The following HNRNPF variants were observed in gnomAD, a reference collection of about 807,000 sequenced individuals.
The protein encoded by HNRNPF is HnRNP F protein.
In HNRNPF, 2 loss-of-function variants were observed where a neutral mutation model predicts 26.0. The ratio of observed to expected loss-of-function variants is 0.08; its 90% CI spans 0.03 to 0.24. HNRNPF has a LOEUF of 0.24. Ranked by LOEUF, HNRNPF falls within the 10% of genes least tolerant of loss-of-function variation. The pLI is 1.00. For synonymous variants in HNRNPF, 234 were observed against 211.5 expected, an observed-to-expected ratio of 1.11 and a Z score of -0.92; for missense variants, 299 against 539.2, an observed-to-expected ratio of 0.55 and a Z score of 4.41.
Position 43,387,204 on chromosome 10 carries a change from G to A in HNRNPF, c.681C>T (p.Gly227=). The part of the protein sequence containing the change: ...RRYIGIVKQA[G]LERMRPGAYS... ...AGGCACCAGGCCTCATCCTTTCCAG[G>A]CCTGCCTGCTTCACGATGCCAATGT... Residue 227 remains glycine (G), a synonymous_variant, in exon 4 of 4, where the codon GGC becomes GGT. Coordinates refer to ENST00000682386, the MANE Select transcript of HNRNPF (RefSeq NM_001098204.2). This position sits in a 1 kb window ranked among gnomAD's most constrained non-coding sequence, Gnocchi z 6.0. The A allele has an allele frequency of 6.2e-7, 1 of 1,614,140 alleles. No homozygotes were observed. Among genetic ancestry groups the A allele is most frequent in the Non-Finnish European group, 8.5e-7 (1 of 1,180,024 alleles).
At chr10:43,403,605 C>T (rs1838820224) in intron 1 of HNRNPF, among the ~76,000 whole-genome samples, 1 of 152,168 alleles carries the variant, frequency 6.6e-6, no homozygotes, top group Non-Finnish European at 1.5e-5. Flanking sequence ...TCATTTCAAA[C>T]TCAATCACTG....
chr10:43,408,301 TCTC>T (rs1167852238), intron 1 of HNRNPF, among the ~76,000 whole-genome samples: 1 of 151,996 alleles, frequency 6.6e-6, no homozygotes. Flanking sequence ...GACTCCAAAA[TCTC>T]AGCCCGCGGT....
At chr10:43,389,230 C>T (rs1032648081) in intron 3 of HNRNPF, among the ~76,000 whole-genome samples, 13 of 152,012 alleles carry the variant, frequency 8.6e-5, no homozygotes, top group African/African-American at 3.1e-4. Context: ...CCTCAGCTGC[C>T]CAAAGTGCTG....
At chr10:43,406,827 A>T (rs1838934120) in intron 1 of HNRNPF, among the ~76,000 whole-genome samples, 1 of 152,124 alleles carries the variant, frequency 6.6e-6, no homozygotes, top group Non-Finnish European at 1.5e-5. Context: ...ACTCTAATCT[A>T]CAGAATGCAC....
At chr10:43,402,043 G>A (rs1438145533) in intron 1 of HNRNPF, among the ~76,000 whole-genome samples, 2 of 151,672 alleles carry the variant, frequency 1.3e-5, no homozygotes, top group East Asian at 1.9e-4. Flanking sequence ...AGGTTTCAGG[G>A]AACAAGAAGT....
chr10:43,399,302 G>A (rs914809216), intron 1 of HNRNPF, among the ~76,000 whole-genome samples: 1 of 151,982 alleles, frequency 6.6e-6, no homozygotes, highest in Non-Finnish European at 1.5e-5. Flanking sequence ...TGCCCAGACT[G>A]GTCTGTAACT....
In HNRNPF at chr10:43,398,704, G is replaced by A. The variant is rs550694203; in HGVS notation, c.-246-2114C>T. ...AGGGTCTGGCTCAGCTGCCCAGGCT[G>A]GAATGCAGTGGCACGATCATGGCAA... On this transcript the variant is annotated intron_variant, in intron 1 of 3. Coordinates refer to ENST00000682386, the MANE Select transcript of HNRNPF (RefSeq NM_001098204.2). Among the ~76,000 whole-genome samples the A allele has an allele frequency of 7.2e-5, 11 of 152,126 alleles. No homozygotes were observed. The South Asian group carries it at 1.9e-3, about 26-fold the overall frequency.
At chr10:43,396,026 G>A (rs1453118874) in intron 2 of HNRNPF, among the ~76,000 whole-genome samples, 1 of 151,506 alleles carries the variant, frequency 6.6e-6, no homozygotes, top group East Asian at 1.9e-4. Flanking sequence ...TTGCACGGGG[G>A]CCACCTAGAT....
Position 43,385,841 on chromosome 10 carries a change from C to T in HNRNPF, c.*796G>A, listed in dbSNP as rs925456870. 1 of 152,460 alleles carries T rather than the reference C, an allele frequency of 6.6e-6. No individual in the cohort carries two copies. Among genetic ancestry groups the T allele is most frequent in the African/African-American group, 2.4e-5 (1 of 41,418 alleles). The allele number at this position is 152,460 out of a possible 1,614,324, so 9.4% of individuals were successfully genotyped here. The stretch of plus-strand genomic sequence containing the variant: ...AATGTGTGCTGCTAGTCACCATTTC[C>T]ACCATTCACATATTTAACATTTTTA... On this transcript the variant is annotated 3_prime_UTR_variant, in exon 4 of 4. Transcript: ENST00000682386.
At chr10:43,396,110 G>A (rs1337790467) in intron 2 of HNRNPF, among the ~76,000 whole-genome samples, 2 of 152,208 alleles carry the variant, frequency 1.3e-5, no homozygotes, top group African/African-American at 2.4e-5. Context: ...GCTCCCGAAC[G>A]AGCTCTTCGC....
chr10:43,394,591 T>C (rs1329401788), intron 3 of HNRNPF, 39 bp downstream of exon 3: 1 of 152,136 alleles, frequency 6.6e-6, no homozygotes, highest in African/African-American at 2.4e-5. Context: ...CAAATATAAA[T>C]ACTGCAGCTG....
At chr10:43,407,269 G>A (rs1207856375) in intron 1 of HNRNPF, among the ~76,000 whole-genome samples, 1 of 151,454 alleles carries the variant, frequency 6.6e-6, no homozygotes, top group African/African-American at 2.4e-5. Context: ...AGCCGCCAGC[G>A]CGCGCCTCGC....
intron 1 of HNRNPF, among the ~76,000 whole-genome samples, chr10:43,398,635 C>T (rs999504868): frequency 6.6e-6 from 1 of 151,996 alleles, no homozygotes; most frequent in Non-Finnish European, 1.5e-5. Flanking sequence ...CCACCGCGCC[C>T]GGCCTGTTTT....
At position 43,386,343 on chromosome 10, in the gene HNRNPF, TAA is replaced by T. The variant is rs1838021548; in HGVS notation, c.*292_*293del. The T allele has an allele frequency of 3.6e-6, 1 of 280,510 alleles. No individual in the cohort carries two copies. Among genetic ancestry groups the T allele is most frequent in the African/African-American group, 2.2e-5 (1 of 45,318 alleles). 17.4% of individuals were successfully genotyped at this position (280,510 alleles called of 1,614,324 possible). ...CCAGTGTGTTCACTGTGATGTGGTG[TAA>T]AAGATCCACATTTAACATACTTAAA... On this transcript the variant is annotated 3_prime_UTR_variant, in exon 4 of 4. Coordinates refer to ENST00000682386, the MANE Select transcript of HNRNPF (RefSeq NM_001098204.2).
intron 1 of HNRNPF, among the ~76,000 whole-genome samples, chr10:43,405,429 G>A (rs552333980): frequency 1.7e-4 from 26 of 152,232 alleles, no homozygotes; most frequent in African/African-American, 5.5e-4. Flanking sequence ...GGCCGAGGCC[G>A]GCGGATCACG....
chr10:43,398,402 C>A (rs989154951), intron 1 of HNRNPF, among the ~76,000 whole-genome samples: 2 of 146,808 alleles, frequency 1.4e-5, no homozygotes, highest in Non-Finnish European at 3.0e-5. Context: ...AGTGCAATGG[C>A]ACGATCTCGG....
At chr10:43,391,762 C>A in intron 3 of HNRNPF, among the ~76,000 whole-genome samples, 1 of 152,158 alleles carries the variant, frequency 6.6e-6, no homozygotes. Context: ...CGGAGCCATG[C>A]TTTCTTCTTT....
intron 1 of HNRNPF, among the ~76,000 whole-genome samples, chr10:43,404,506 C>T (rs1838851802): frequency 6.6e-6 from 1 of 152,110 alleles, no homozygotes; most frequent in South Asian, 2.1e-4. Flanking sequence ...ATATGTGCCT[C>T]CGGTTGGAGC....
At chr10:43,393,335 C>T (rs978037834) in intron 3 of HNRNPF, among the ~76,000 whole-genome samples, 3 of 152,190 alleles carry the variant, frequency 2.0e-5, no homozygotes, top group African/African-American at 7.2e-5. Context: ...GTGGCTCATG[C>T]CTGTAATCCT....
Sources: allele counts gnomAD v4.1 joint callset (sites outside exome capture counted in the v4.1 genomes callset), GRCh38; gene constraint gnomAD v4.1.1; non-coding constraint Gnocchi (gnomAD v3.1); transcripts MANE v1.5; gene names NCBI Gene and HGNC (gene_info 2026-07-23, HGNC 2026-07-21).